SLC39A9: variants seen among roughly 807,000 people sequenced by gnomAD.
The protein encoded by SLC39A9 is solute carrier family 39 member 9.
SLC39A9 carries 14 observed loss-of-function variants against 28.4 expected under a neutral mutation model. The ratio of observed to expected loss-of-function variants is 0.49; its 90% CI spans 0.33 to 0.77. The LOEUF is 0.77. SLC39A9 is among the 30% of genes least tolerant of loss of function. The probability of loss-of-function intolerance (pLI) is 0.02; values close to 1 mark genes in which losing one functional copy is unlikely to be tolerated. For missense variants in SLC39A9, 283 were observed against 381.1 expected, an observed-to-expected ratio of 0.74 and a Z score of 2.14; for synonymous variants, 119 against 149.6, an observed-to-expected ratio of 0.80 and a Z score of 1.49.
In SLC39A9 at chr14:69,424,101, T is replaced by C. The variant is rs751335683; in HGVS notation, c.104T>C (p.Leu35Pro). ...CTTTTGCTTTCTCCCCAGGAACGAC[T>C]GAAGCTGGTGACTGTTTTGGGTGCT... ...PLAVNFSEER[L>P]KLVTVLGAGL... The change falls in exon 2 of 7, where the codon CTG becomes CCG. Residue 35 changes from leucine to proline, a missense_variant. Physicochemically the swap from Leu to Pro is moderately conservative, Grantham distance 98. Transcript: ENST00000336643. 1.9e-6 allele frequency: 3 copies of C among 1,613,534 alleles called. No individual in the cohort carries two copies. The South Asian group carries it at 3.3e-5, about 18-fold the overall frequency.
chr14:69,432,330 T>G (rs1884539917), intron 2 of SLC39A9, among the ~76,000 whole-genome samples: 1 of 152,226 alleles, frequency 6.6e-6, no homozygotes, highest in African/African-American at 2.4e-5. Flanking sequence ...GAGTGGTTTT[T>G]CATGTTTGTT....
At chr14:69,453,891 A>G (rs1348590237) in intron 4 of SLC39A9, among the ~76,000 whole-genome samples, 1 of 152,270 alleles carries the variant, frequency 6.6e-6, no homozygotes, top group Non-Finnish European at 1.5e-5. Flanking sequence ...AAAGCCTCAA[A>G]TATTTACTGT....
chr14:69,461,504 C>G lies in SLC39A9; in HGVS notation c.*2911C>G, dbSNP rs566592585. The G allele has an allele frequency of 1.1e-5, 16 of 1,430,546 alleles. No homozygotes were observed. In the African/African-American group the frequency reaches 2.3e-4, roughly 21 times the overall value. The allele number at this position is 1,430,546 out of a possible 1,614,324, so 88.6% of individuals were successfully genotyped here. ...AGGTTATGTGTTTTCTCTTTCTCCC[C>G]GCTTTCACCTCTTTCTTTCCCAATT... On this transcript the variant is annotated 3_prime_UTR_variant, in exon 7 of 7. Coordinates refer to ENST00000336643, the MANE Select transcript of SLC39A9 (RefSeq NM_018375.5).
intron 2 of SLC39A9, among the ~76,000 whole-genome samples, chr14:69,437,948 C>G (rs907141874): frequency 6.6e-6 from 1 of 152,024 alleles, no homozygotes; most frequent in Non-Finnish European, 1.5e-5. Context: ...TTTCTTCATA[C>G]TGATGAGTTT....
chr14:69,406,722 G>A lies in SLC39A9; in HGVS notation c.96+7257G>A, dbSNP rs1882933468. On this transcript the variant is annotated intron_variant, in intron 1 of 6. Transcript: ENST00000336643. Reference sequence around the variant, plus strand: ...AAAAAAGTAGTAGTACTAAGTATGAGTACTGGTATTTCTTAAAACCTATAA... The same window carrying A: ...AAAAAAGTAGTAGTACTAAGTATGAATACTGGTATTTCTTAAAACCTATAA... Among the ~76,000 whole-genome samples, 5 of 150,706 alleles carry A rather than the reference G, an allele frequency of 3.3e-5. No individual in the cohort carries two copies. The South Asian group carries it at 1.0e-3, about 31-fold the overall frequency.
chr14:69,435,337 C>G (rs1884689073), intron 2 of SLC39A9, among the ~76,000 whole-genome samples: 1 of 152,172 alleles, frequency 6.6e-6, no homozygotes, highest in Non-Finnish European at 1.5e-5. Context: ...CACAAGTCTA[C>G]TTCATCTAAT....
At position 69,446,972 on chromosome 14, in the gene SLC39A9, A is replaced by C. The variant is rs892316442; in HGVS notation, c.403+4706A>C. ...TAGAGAGAGAGAGAGAGAGAGCGAG[A>C]GAGAGAGAGAGAGCACTTGCTTATA... On this transcript the variant is annotated intron_variant, in intron 3 of 6. Transcript: ENST00000336643. Among the ~76,000 whole-genome samples the C allele has an allele frequency of 4.0e-5, 6 of 151,246 alleles. No homozygotes were observed. The East Asian group carries it at 7.8e-4, about 20-fold the overall frequency.
At chr14:69,404,898 C>G (rs1882830805) in intron 1 of SLC39A9, among the ~76,000 whole-genome samples, 2 of 152,146 alleles carry the variant, frequency 1.3e-5, no homozygotes, top group Non-Finnish European at 2.9e-5. Context: ...ATTTCTGAGA[C>G]TGGGTAATTT....
chr14:69,428,274 C>CAA lies in SLC39A9; in HGVS notation c.205+4088_205+4089dup, dbSNP rs780805663. On this transcript the variant is annotated intron_variant, in intron 2 of 6. Transcript: ENST00000336643. ...CTGGCGACAGAGCGAGACTCTGTCT[C>CAA]AAAAAAAAAAAAAAAAAGTTTATGG... is the stretch of plus-strand genomic sequence containing the variant. Among the ~76,000 whole-genome samples the CAA allele has an allele frequency of 4.4e-4, 36 of 82,096 alleles. 1 individual carries two copies. Among genetic ancestry groups the CAA allele is most frequent in the African/African-American group, 1.1e-3 (32 of 28,396 alleles). 53.9% of individuals were successfully genotyped at this position (82,096 alleles called of 152,430 possible).
At chr14:69,455,425 CA>C (rs1331992208) in intron 5 of SLC39A9, among the ~76,000 whole-genome samples, 1 of 151,996 alleles carries the variant, frequency 6.6e-6, no homozygotes, top group African/African-American at 2.4e-5. Context: ...CTCCTGGGTT[CA>C]AGCGATTCTC....
At chr14:69,444,023 G>GA (rs988594687) in intron 3 of SLC39A9, among the ~76,000 whole-genome samples, 10 of 149,226 alleles carry the variant, frequency 6.7e-5, no homozygotes, top group East Asian at 2.0e-4. Flanking sequence ...CCATCTCTAC[G>GA]AAAAAAAAAT....
intron 1 of SLC39A9, among the ~76,000 whole-genome samples, chr14:69,414,050 C>CT (rs1186216595): frequency 0.051 from 6,758 of 132,194 alleles, 341 homozygotes; most frequent in African/African-American, 0.11. Flanking sequence ...ATTTCATATT[C>CT]TTTTTTTTTT....
At chr14:69,402,607 T>A (rs902686469) in intron 1 of SLC39A9, among the ~76,000 whole-genome samples, 9 of 152,164 alleles carry the variant, frequency 5.9e-5, no homozygotes, top group Non-Finnish European at 1.0e-4. Flanking sequence ...CAAAACTACC[T>A]TTCTTGATAC....
At chr14:69,423,967 C>T (rs1884043181) in intron 1 of SLC39A9, 127 bp from the exon 2 acceptor site, 1 of 558,948 alleles carries the variant, frequency 1.8e-6, no homozygotes, top group Non-Finnish European at 3.2e-6. Flanking sequence ...CATTTTTCAT[C>T]TTCGCTGTCT....
intron 3 of SLC39A9, among the ~76,000 whole-genome samples, chr14:69,446,858 A>G (rs1207332080): frequency 6.7e-6 from 1 of 148,238 alleles, no homozygotes; most frequent in Non-Finnish European, 1.5e-5. Flanking sequence ...GGGAGACAAG[A>G]ACTAAACTCT....
intron 1 of SLC39A9, among the ~76,000 whole-genome samples, chr14:69,402,181 C>T (rs906983900): frequency 3.3e-5 from 5 of 151,022 alleles, no homozygotes; most frequent in African/African-American, 1.2e-4. Flanking sequence ...AGAATTATCT[C>T]AAGCCACACA....
At chr14:69,442,379 G>A (rs2139427770) in intron 3 of SLC39A9, 113 bp downstream of exon 3, 1 of 1,004,756 alleles carries the variant, frequency 1.0e-6, no homozygotes, top group Non-Finnish European at 1.5e-6. Context: ...TAAAACTCTT[G>A]TCTTCCTTGG....
intron 3 of SLC39A9, among the ~76,000 whole-genome samples, chr14:69,444,988 A>G (rs992539148): frequency 6.6e-6 from 1 of 152,076 alleles, no homozygotes; most frequent in Non-Finnish European, 1.5e-5. Flanking sequence ...ATAATAATAA[A>G]AGAATAAAGA....
At chr14:69,411,718 C>T (rs572863840) in intron 1 of SLC39A9, among the ~76,000 whole-genome samples, 8 of 151,872 alleles carry the variant, frequency 5.3e-5, no homozygotes, top group African/African-American at 1.7e-4. Flanking sequence ...CATACAAATA[C>T]ATGAAGCCAC....
Sources: allele counts gnomAD v4.1 joint callset (sites outside exome capture counted in the v4.1 genomes callset), GRCh38; gene constraint gnomAD v4.1.1; transcripts MANE v1.5; gene names NCBI Gene and HGNC (gene_info 2026-07-23, HGNC 2026-07-21).